The following PTCH1 variants were observed in gnomAD, a reference collection of about 807,000 sequenced individuals.
PTCH1 encodes the protein protein patched homolog 1.
A neutral mutation model predicts 144.6 loss-of-function variants in PTCH1; 14 were observed. The ratio of observed to expected loss-of-function variants is 0.10; its 90% CI spans 0.06 to 0.15. The LOEUF is 0.15. PTCH1 is among the 10% of genes least tolerant of loss of function. The pLI is 1.00. For missense variants in PTCH1, 1,623 were observed against 1,948.3 expected (o/e 0.83, Z 3.14); for synonymous variants, 833 against 793.6 (o/e 1.05, Z -0.83).
At chr9:95,456,858 T>G (rs1330460359) in intron 18 of PTCH1, among the ~76,000 whole-genome samples, 2 of 152,128 alleles carry the variant, frequency 1.3e-5, no homozygotes, top group African/African-American at 4.8e-5. Flanking sequence ...TGCCTCACTC[T>G]CCATTCTAAA....
rs1320014929 is a variant in PTCH1, at chr9:95,443,049, AAGAGAGATG to A, written c.*3335_*3343del. 9 of 152,356 alleles carry A rather than the reference AAGAGAGATG, an allele frequency of 5.9e-5. No homozygotes were observed. The highest frequency in any genetic ancestry group is 1.7e-4 in the African/African-American group (7 of 41,578). The allele number at this position is 152,356 out of a possible 1,614,324, so 9.4% of individuals were successfully genotyped here. On this transcript the variant is annotated 3_prime_UTR_variant, in exon 24 of 24. Coordinates refer to ENST00000331920, the MANE Select transcript of PTCH1 (RefSeq NM_000264.5). ...ATCACATAAGGGAAATAAGTATGCT[AAGAGAGATG>A]ACAGAAGGACTAATTTTGATGGTTA...
chr9:95,476,002 G>C lies in PTCH1; in HGVS notation c.1728+32C>G, dbSNP rs2118246198. The C allele has an allele frequency of 1.9e-6, 3 of 1,612,518 alleles. No individual in the cohort carries two copies. The highest frequency in any genetic ancestry group is 2.5e-6 in the Non-Finnish European group (3 of 1,180,010). ...TGCTGGAAGTCAGTGCCCCGTTCAG[G>C]ATCACCACAGCCTTCATCACCAGAA... On this transcript the variant is annotated intron_variant, in intron 12 of 23. Coordinates refer to ENST00000331920, the MANE Select transcript of PTCH1 (RefSeq NM_000264.5). The surrounding 1 kb of genome is among the most constrained non-coding windows in gnomAD (Gnocchi z 4.6).
intron 2 of PTCH1, among the ~76,000 whole-genome samples, chr9:95,497,298 C>A (rs539421856): frequency 6.6e-6 from 1 of 152,202 alleles, no homozygotes; most frequent in Non-Finnish European, 1.5e-5. Flanking sequence ...CAGCATCGTA[C>A]GACACGTTAT....
intron 12 of PTCH1, among the ~76,000 whole-genome samples, chr9:95,473,260 T>C (rs1353779199): frequency 6.6e-6 from 1 of 152,236 alleles, no homozygotes; most frequent in African/African-American, 2.4e-5. Flanking sequence ...GCTACAAAAT[T>C]GGAGGAGTTT....
rs572958276 is a variant in PTCH1 at position 95,508,439 on chromosome 9, C to T, written c.-78G>A. 40 of 1,034,028 alleles carry T rather than the reference C, an allele frequency of 3.9e-5. 1 individual carries two copies. In the African/African-American group the frequency reaches 4.0e-4, roughly 10 times the overall value. 64.1% of individuals were successfully genotyped at this position (1,034,028 alleles called of 1,614,324 possible). A position where few individuals can be genotyped will look rare whatever the true frequency, so the allele number is the denominator to read the frequency against. The stretch of plus-strand genomic sequence containing the variant: ...GGCGCGCTGCTGCCGCTGCTGCGGG[C>T]TCCTGGCGCGCCTGGGCGCTCGGCT... On this transcript the variant is annotated 5_prime_UTR_variant, in exon 1 of 24. Coordinates refer to ENST00000331920, the MANE Select transcript of PTCH1 (RefSeq NM_000264.5).
intron 8 of PTCH1, 65 bp from the exon 9 acceptor site, chr9:95,478,251 CA>C: frequency 6.2e-7 from 1 of 1,608,724 alleles, no homozygotes; most frequent in Non-Finnish European, 8.5e-7. Context: ...CTCGACAGCA[CA>C]GATCTCAGGT....
chr9:95,468,986 G>T lies in PTCH1; in HGVS notation c.2015C>A (p.Thr672Lys), dbSNP rs372219420. ...VQLRTEYDPH[T>K]HVYYTTAEPR... ...CTCAGCGGTGGTGTAGTACACGTGCGTGTGGGGGTCGTACTCCGTGCGGAG... is the reference window on the plus strand; with the variant it reads ...CTCAGCGGTGGTGTAGTACACGTGCTTGTGGGGGTCGTACTCCGTGCGGAG... The change falls in exon 14 of 24, where the codon ACG becomes AAG. Residue 672 changes from threonine (T) to lysine (K), a missense_variant. Transcript: ENST00000331920. 6.2e-7 allele frequency: 1 copy of T among 1,614,046 alleles called. No individual in the cohort carries two copies. The highest frequency in any genetic ancestry group is 2.2e-5 in the East Asian group (1 of 44,870).
Position 95,449,443 on chromosome 9 carries a change from T to C in PTCH1, c.3550-120A>G. ...TTCCCTGCCCTGGGGCCCTGCGCACTGTGCCGTATTAACCTCCCCTTCTCT... is the reference window on the plus strand; with the variant it reads ...TTCCCTGCCCTGGGGCCCTGCGCACCGTGCCGTATTAACCTCCCCTTCTCT... On this transcript the variant is annotated intron_variant, in intron 21 of 23. Coordinates refer to ENST00000331920, the MANE Select transcript of PTCH1 (RefSeq NM_000264.5). The surrounding 1 kb of genome is among the most constrained non-coding windows in gnomAD (Gnocchi z 5.3). 1 of 1,399,466 alleles carries C rather than the reference T, an allele frequency of 7.1e-7. No homozygotes were observed. The highest frequency in any genetic ancestry group is 9.8e-7 in the Non-Finnish European group (1 of 1,023,978). The allele number at this position is 1,399,466 out of a possible 1,614,324, so 86.7% of individuals were successfully genotyped here.
upstream of PTCH1, among the ~76,000 whole-genome samples, chr9:95,509,797 G>T (rs1001620100): frequency 5.3e-5 from 8 of 152,180 alleles, no homozygotes; most frequent in African/African-American, 1.9e-4. Context: ...ATGACAGCGT[G>T]CTGGATAGTG....
rs1441109818 is a variant in PTCH1 at position 95,468,930 on chromosome 9, T to C, written c.2071A>G (p.Thr691Ala). Residue 691 changes from threonine (T) to alanine (A), a missense_variant, in exon 14 of 24, where the codon ACC becomes GCC. By Grantham distance (58) the Thr-to-Ala change is moderately conservative. Transcript: ENST00000331920. ...CAGCTGAGGGTGTCCTGTGTCACGG[T>C]GACGGGCTGCACAGAGATCTCGGAG... Reference protein sequence around the residue: ...PRSEISVQPVTVTQDTLSCQS... With the variant: ...PRSEISVQPVAVTQDTLSCQS... The C allele has an allele frequency of 6.2e-7, 1 of 1,613,946 alleles. No individual in the cohort carries two copies. The highest frequency in any genetic ancestry group is 8.5e-7 in the Non-Finnish European group (1 of 1,180,040).
At chr9:95,468,337 G>A (rs1160757244) in intron 14 of PTCH1, among the ~76,000 whole-genome samples, 3 of 152,180 alleles carry the variant, frequency 2.0e-5, no homozygotes, top group Admixed American at 6.5e-5. Context: ...GATTACAGGC[G>A]TGAGCCACCA....
At chr9:95,453,408 G>A (rs754067871) in intron 20 of PTCH1, 70 bp downstream of exon 20, 177 of 1,604,568 alleles carry the variant, frequency 1.1e-4, no homozygotes, top group Admixed American at 6.5e-4. Flanking sequence ...GGGATTACAG[G>A]CGTGAGCCAC....
rs759490271 is a variant in PTCH1, at chr9:95,516,690, TCTC to T, written c.-222_-220del. On this transcript the variant is annotated 5_prime_UTR_variant, in exon 1 of 23. Coordinates refer to the PTCH1 transcript ENST00000430669. ...TTCTCCTCCGTTTTCTTCTTCTTCTTCTCCTCCTCCTCCGTCTTTACAAAAGGA... is the reference window on the plus strand; with the variant it reads ...TTCTCCTCCGTTTTCTTCTTCTTCTTCTCCTCCTCCGTCTTTACAAAAGGA... 1.6e-5 allele frequency: 26 copies of T among 1,611,926 alleles called. No individual in the cohort carries two copies. Among genetic ancestry groups the T allele is most frequent in the African/African-American group, 4.0e-5 (3 of 74,514 alleles).
chr9:95,507,842 G>T, intron 1 of PTCH1: 1 of 1,024,268 alleles, frequency 9.8e-7, no homozygotes, highest in Non-Finnish European at 1.3e-6. Context: ...CCGCCCTTGA[G>T]GTGGTCCGCC....
At chr9:95,446,578 G>A (rs538461949) in intron 23 of PTCH1, 187 bp from the exon 24 acceptor site, 77 of 456,888 alleles carry the variant, frequency 1.7e-4, no homozygotes, top group African/African-American at 1.1e-3. Flanking sequence ...ACACGGATGC[G>A]TTCCCATGTG....
Position 95,485,885 on chromosome 9 carries a change from T to C in PTCH1, c.395-11A>G, listed in dbSNP as rs748299945. 4 of 1,614,156 alleles carry C rather than the reference T, an allele frequency of 2.5e-6. No homozygotes were observed. The highest frequency in any genetic ancestry group is 3.4e-6 in the Non-Finnish European group (4 of 1,180,004). On this transcript the variant is annotated splice_polypyrimidine_tract_variant and intron_variant, in intron 2 of 23. Transcript: ENST00000331920. ...TTACTCGTCCTCCAACTGACAAATATGTACAGGTTTAATTAGAATAGCAAA... is the reference window on the plus strand; with the variant it reads ...TTACTCGTCCTCCAACTGACAAATACGTACAGGTTTAATTAGAATAGCAAA...
rs550995918 is a variant in PTCH1 at position 95,516,424 on chromosome 9, G to A, written c.3+45C>T. 4.1e-5 allele frequency: 55 copies of A among 1,351,270 alleles called. No homozygotes were observed. In the African/African-American group the frequency reaches 6.8e-4, roughly 17 times the overall value. The allele number at this position is 1,351,270 out of a possible 1,614,324, so 83.7% of individuals were successfully genotyped here. A position where few individuals can be genotyped will look rare whatever the true frequency, so the allele number is the denominator to read the frequency against. ...CCGCGCCGCCCGAGGAGCACGGCGC[G>A]CGAGGCGAGGTGGCGTCGGCGGCCG... On this transcript the variant is annotated intron_variant, in intron 1 of 22. Transcript: ENST00000430669.
At chr9:95,453,660 T>A in intron 19 of PTCH1, 40 bp from the exon 20 acceptor site, 1 of 1,610,894 alleles carries the variant, frequency 6.2e-7, no homozygotes, top group Non-Finnish European at 8.5e-7. Flanking sequence ...GTTGCTGGAC[T>A]TCACCTGGTA....
chr9:95,446,444 C>T (rs547364687), intron 23 of PTCH1, 53 bp from the exon 24 acceptor site: 94 of 516,890 alleles, frequency 1.8e-4, no homozygotes, highest in South Asian at 6.4e-4. Context: ...TGTGCAAGTC[C>T]GTATTTATAA....
Sources: gnomAD v4.1 joint callset for allele counts (sites outside exome capture counted in the v4.1 genomes callset) on GRCh38, gnomAD v4.1.1 for gene constraint, Gnocchi (gnomAD v3.1) non-coding constraint, MANE v1.5 for transcripts, NCBI Gene and HGNC (gene_info 2026-07-23, HGNC 2026-07-21) for gene names.